Variants in TMEM255B observed in about 807,000 individuals in gnomAD.
The protein encoded by TMEM255B is family with sequence similarity 70, member B.
Under a neutral mutation model 34.5 loss-of-function variants are expected in TMEM255B, and 35 were observed. The observed-to-expected ratio is 1.01, with a 90% CI of 0.77 to 1.34. The LOEUF (loss-of-function observed/expected upper bound fraction) is 1.34. Among genes scored for constraint, TMEM255B ranks in the 40% most tolerant of loss-of-function variants. The pLI, the probability that TMEM255B is intolerant of heterozygous loss-of-function variation, is 0.00. For synonymous variants in TMEM255B, 206 were observed against 201.2 expected (o/e 1.02, Z -0.20); for missense variants, 432 against 433.2 (o/e 1.00, Z 0.02).
chr13:113,784,190 G>A (rs560731089), intron 3 of TMEM255B, among the ~76,000 whole-genome samples: 5 of 152,244 alleles, frequency 3.3e-5, no homozygotes, highest in African/African-American at 1.2e-4. Flanking sequence ...GGATTGTTGG[G>A]CACCCATGTG....
At chr13:113,782,677 G>GGC (rs1555365613) in intron 3 of TMEM255B, among the ~76,000 whole-genome samples, 5 of 150,338 alleles carry the variant, frequency 3.3e-5, no homozygotes, top group South Asian at 4.2e-4. Flanking sequence ...ATGGTCGGAG[G>GGC]GGGGGGCTTC....
At chr13:113,798,431 G>A (rs2050980305) in intron 4 of TMEM255B, among the ~76,000 whole-genome samples, 1 of 151,498 alleles carries the variant, frequency 6.6e-6, no homozygotes, top group South Asian at 2.1e-4. Context: ...ATGAATGGAT[G>A]GGTGGATGTG....
At chr13:113,775,018 A>C (rs57294954) in intron 3 of TMEM255B, among the ~76,000 whole-genome samples, 3 of 145,426 alleles carry the variant, frequency 2.1e-5, no homozygotes, top group African/African-American at 5.1e-5. Flanking sequence ...ACAATACACA[A>C]CACACACCAC....
At chr13:113,787,359 G>A (rs542971259) in intron 3 of TMEM255B, among the ~76,000 whole-genome samples, 3 of 152,198 alleles carry the variant, frequency 2.0e-5, no homozygotes, top group Admixed American at 6.5e-5. Flanking sequence ...GTTTTTAAAC[G>A]TTCTAAGAAT....
chr13:113,802,894 G>T (rs1412666455), intron 7 of TMEM255B, among the ~76,000 whole-genome samples: 1 of 148,084 alleles, frequency 6.8e-6, no homozygotes, highest in African/African-American at 2.5e-5. Flanking sequence ...TGTGGTGACA[G>T]CCGGCCGGCC....
intron 3 of TMEM255B, among the ~76,000 whole-genome samples, chr13:113,778,438 G>A (rs145477091): frequency 3.5e-4 from 54 of 152,142 alleles, no homozygotes; most frequent in Non-Finnish European, 6.5e-4. Context: ...GATCACCTGT[G>A]GTACTGTGGC....
chr13:113,764,426 GCAC>G (rs2050356358), intron 1 of TMEM255B, among the ~76,000 whole-genome samples: 1 of 152,196 alleles, frequency 6.6e-6, no homozygotes, highest in South Asian at 2.1e-4. Context: ...TCCCTGGCCC[GCAC>G]CGGGCTGCGG....
At chr13:113,763,980 G>C (rs1383104075) in intron 1 of TMEM255B, among the ~76,000 whole-genome samples, 1 of 152,244 alleles carries the variant, frequency 6.6e-6, no homozygotes, top group African/African-American at 2.4e-5. Flanking sequence ...TGTTCCGGCT[G>C]GCAGGTGCAG....
intron 8 of TMEM255B, among the ~76,000 whole-genome samples, chr13:113,809,535 G>A (rs1003646364): frequency 3.2e-5 from 3 of 93,480 alleles, no homozygotes; most frequent in African/African-American, 9.3e-5. Context: ...CATGGTTCCC[G>A]GGGGTTTAAC....
rs1400789487 is a variant in TMEM255B at position 113,816,033 on chromosome 13, A to G, written c.*4130A>G. 1 of 187,246 alleles carries G rather than the reference A, an allele frequency of 5.3e-6. No individual in the cohort carries two copies. Among genetic ancestry groups the G allele is most frequent in the Non-Finnish European group, 1.2e-5 (1 of 85,458 alleles). The allele number at this position is 187,246 out of a possible 1,614,324, so 11.6% of individuals were successfully genotyped here. Reference sequence around the variant, plus strand: ...GACACGGGTTCTTTTCGGGGAGGCAAGCGTGTTCGCAGCGTGTTCTGTATG... The same window carrying G: ...GACACGGGTTCTTTTCGGGGAGGCAGGCGTGTTCGCAGCGTGTTCTGTATG... On this transcript the variant is annotated 3_prime_UTR_variant, in exon 9 of 9. Coordinates refer to ENST00000375353, the MANE Select transcript of TMEM255B (RefSeq NM_182614.4).
chr13:113,766,158 G>A lies in TMEM255B; in HGVS notation c.90G>A (p.Gly30=). 10 of 1,614,242 alleles carry A rather than the reference G, an allele frequency of 6.2e-6. No individual in the cohort carries two copies. Among genetic ancestry groups the A allele is most frequent in the Non-Finnish European group, 8.5e-6 (10 of 1,180,036 alleles). Residue 30 remains glycine (G), a synonymous_variant, in exon 2 of 9, where the codon GGG becomes GGA. Coordinates refer to ENST00000375353, the MANE Select transcript of TMEM255B (RefSeq NM_182614.4). ...RRKKTSLWFV[G]SLLLVSVLIV... ...AGAAGACGTCGCTCTGGTTTGTGGG[G>A]TCTCTGCTGCTGGTGTCCGTCCTCA...
At chr13:113,792,403 G>A (rs2050846956) in intron 3 of TMEM255B, among the ~76,000 whole-genome samples, 1 of 152,208 alleles carries the variant, frequency 6.6e-6, no homozygotes. Flanking sequence ...CCTGCACATC[G>A]TGGCCTCTGC....
At position 113,814,525 on chromosome 13, in the gene TMEM255B, C is replaced by T. The variant is rs1325574478; in HGVS notation, c.*2622C>T. 1.3e-5 allele frequency: 2 copies of T among 152,270 alleles called. No individual in the cohort carries two copies. Among genetic ancestry groups the T allele is most frequent in the African/African-American group, 4.8e-5 (2 of 41,468 alleles). 9.4% of individuals were successfully genotyped at this position (152,270 alleles called of 1,614,324 possible). On this transcript the variant is annotated 3_prime_UTR_variant, in exon 9 of 9. Transcript: ENST00000375353. Reference sequence around the variant, plus strand: ...GCCACAAAGAATGTGAACAATTTGACTCAAGGTTCGTGGTGGCTGGAGGGT... The same window carrying T: ...GCCACAAAGAATGTGAACAATTTGATTCAAGGTTCGTGGTGGCTGGAGGGT...
rs1249505393 is a variant in TMEM255B, at chr13:113,759,278, G to C, written c.9G>C (p.Pro3=). 4 of 1,228,716 alleles carry C rather than the reference G, an allele frequency of 3.3e-6. No individual in the cohort carries two copies. In the East Asian group the frequency reaches 1.3e-4, roughly 39 times the overall value. The allele number at this position is 1,228,716 out of a possible 1,614,324, so 76.1% of individuals were successfully genotyped here. Residue 3 remains proline (P), a synonymous_variant, in exon 1 of 9, where the codon CCG becomes CCC. Coordinates refer to ENST00000375353, the MANE Select transcript of TMEM255B (RefSeq NM_182614.4). The stretch of plus-strand genomic sequence containing the variant: ...CCGGGTGGGGCCTCGGGATGCAGCC[G>C]CCGGTGCCCGGGCCCCTGGGCCTGC... MQ[P]PVPGPLGLLD...
chr13:113,810,740 C>G (rs1308601773), intron 8 of TMEM255B, among the ~76,000 whole-genome samples: 1 of 152,166 alleles, frequency 6.6e-6, no homozygotes, highest in Non-Finnish European at 1.5e-5. Flanking sequence ...TGTCCAGGGG[C>G]TGAGGCACTG....
Position 113,801,821 on chromosome 13 carries a change from C to A in TMEM255B, c.669+9C>A, listed in dbSNP as rs2051070923. 2 of 1,589,932 alleles carry A rather than the reference C, an allele frequency of 1.3e-6. No homozygotes were observed. Among genetic ancestry groups the A allele is most frequent in the Non-Finnish European group, 1.7e-6 (2 of 1,167,224 alleles). On this transcript the variant is annotated intron_variant, in intron 7 of 8. Transcript: ENST00000375353. ...GGGCCTTCAAGGACATGGTGAGGCCCCTTGGTGGGACCCCCGCTGCTCACT... is the reference window on the plus strand; with the variant it reads ...GGGCCTTCAAGGACATGGTGAGGCCACTTGGTGGGACCCCCGCTGCTCACT...
Position 113,782,181 on chromosome 13 carries a change from C to T in TMEM255B, c.253-12967C>T, listed in dbSNP as rs576500553. On this transcript the variant is annotated intron_variant, in intron 3 of 8. Transcript: ENST00000375353. ...GTTTTGTAACTTTCTTTATATCTCTCTTATTTCCTGGTTTCTTTTACCTTG... is the reference window on the plus strand; with the variant it reads ...GTTTTGTAACTTTCTTTATATCTCTTTTATTTCCTGGTTTCTTTTACCTTG... Among the ~76,000 whole-genome samples the T allele has an allele frequency of 2.2e-4, 33 of 152,234 alleles. No homozygotes were observed. In the South Asian group the frequency reaches 6.6e-3, roughly 31 times the overall value.
intron 3 of TMEM255B, among the ~76,000 whole-genome samples, chr13:113,787,380 T>C (rs1364690809): frequency 6.6e-6 from 1 of 152,230 alleles, no homozygotes; most frequent in African/African-American, 2.4e-5. Flanking sequence ...TTCTTCAGTG[T>C]GTGGGGAAGG....
At chr13:113,766,861 T>A (rs981813201) in intron 2 of TMEM255B, among the ~76,000 whole-genome samples, 1 of 152,196 alleles carries the variant, frequency 6.6e-6, no homozygotes, top group African/African-American at 2.4e-5. Flanking sequence ...GCGAGGTAAA[T>A]TGATGGTAAC....
Sources: gnomAD v4.1 joint callset for allele counts (sites outside exome capture counted in the v4.1 genomes callset) on GRCh38, gnomAD v4.1.1 for gene constraint, MANE v1.5 for transcripts, NCBI Gene and HGNC (gene_info 2026-07-23, HGNC 2026-07-21) for gene names.